MEX3D: variants seen among roughly 807,000 people sequenced by gnomAD.
MEX3D encodes the protein mex-3 RNA binding family member D.
MEX3D carries 4 observed loss-of-function variants against 6.3 expected under a neutral mutation model. That is an observed-to-expected ratio of 0.64 (90% CI 0.31 to 1.46). The LOEUF (loss-of-function observed/expected upper bound fraction) is 1.46. MEX3D is among the 40% of genes most tolerant of loss of function. MEX3D has a pLI of 0.07. For missense variants in MEX3D, 1,038 were observed against 994.4 expected, an observed-to-expected ratio of 1.04 and a Z score of -0.59; for synonymous variants, 626 against 494.1, an observed-to-expected ratio of 1.27 and a Z score of -3.54.
chr19:1,561,145 C>T (rs554561583), intron 1 of MEX3D, among the ~76,000 whole-genome samples: 2 of 152,302 alleles, frequency 1.3e-5, no homozygotes, highest in South Asian at 2.1e-4. Flanking sequence ...CAGGGCCCCA[C>T]GCAGCACACA....
chr19:1,562,293 G>A (rs754689840), intron 1 of MEX3D, among the ~76,000 whole-genome samples: 25 of 146,960 alleles, frequency 1.7e-4, no homozygotes, highest in South Asian at 4.3e-4. Flanking sequence ...GGTGTGGACC[G>A]GGCACAGTGG....
intron 1 of MEX3D, among the ~76,000 whole-genome samples, chr19:1,563,710 GACAGGGCT>G (rs1454780358): frequency 4.6e-5 from 7 of 152,184 alleles, no homozygotes; most frequent in Non-Finnish European, 7.4e-5. Context: ...CTGTCTCCCA[GACAGGGCT>G]GCCTCCCCTC....
At position 1,567,499 on chromosome 19, in the gene MEX3D, C is replaced by G; in HGVS notation, c.560G>C (p.Ser187Thr). ...VNMTECVPVPSSEHVAEIVGR... is the reference protein window; with the variant it reads ...VNMTECVPVPTSEHVAEIVGR... ...CACGATCTCGGCGACGTGCTCGGAG[C>G]TGGGCACCGGGACGCACTCGGTCAT... is the stretch of plus-strand genomic sequence containing the variant. Residue 187 changes from serine to threonine, a missense_variant, in exon 1 of 2, where the codon AGC becomes ACC. Physicochemically the swap from Ser to Thr is moderately conservative, Grantham distance 58. This residue lies in a region of MEX3D where 75 missense variants were observed against 125.1 expected (regional missense o/e 0.60). Coordinates refer to ENST00000402693, the MANE Select transcript of MEX3D (RefSeq NM_203304.4). This position sits in a 1 kb window ranked among gnomAD's most constrained non-coding sequence, Gnocchi z 6.5. 6.4e-7 allele frequency: 1 copy of G among 1,573,126 alleles called. No homozygotes were observed. Among genetic ancestry groups the G allele is most frequent in the Non-Finnish European group, 8.6e-7 (1 of 1,160,792 alleles).
In MEX3D at chr19:1,555,659, G is replaced by A. The variant is rs753879899; in HGVS notation, c.1860C>T (p.Phe620=). ...AALVPCGHNL[F]CMDCAVRICG... ...AGATGCGGACGGCGCAGTCCATGCA[G>A]AAGAGGTTGTGGCCGCAGGGGACCA... The change falls in exon 2 of 2, where the codon TTC becomes TTT. Residue 620 remains phenylalanine (F), a synonymous_variant. Transcript: ENST00000402693. 1 of 1,585,826 alleles carries A rather than the reference G, an allele frequency of 6.3e-7. No homozygotes were observed. The highest frequency in any genetic ancestry group is 8.6e-7 in the Non-Finnish European group (1 of 1,169,280).
At chr19:1,561,974 A>T (rs1914728975) in intron 1 of MEX3D, among the ~76,000 whole-genome samples, 1 of 151,608 alleles carries the variant, frequency 6.6e-6, no homozygotes, top group African/African-American at 2.4e-5. Flanking sequence ...AAAATTAGCC[A>T]GGTGTGGCCG....
chr19:1,566,752 G>T (rs963702335), intron 1 of MEX3D, among the ~76,000 whole-genome samples: 4 of 151,934 alleles, frequency 2.6e-5, no homozygotes, highest in Non-Finnish European at 5.9e-5. Flanking sequence ...TCTCAGCCTC[G>T]CTCTCTAACA....
chr19:1,564,532 C>CAA (rs75476631), intron 1 of MEX3D, among the ~76,000 whole-genome samples: 11 of 68,220 alleles, frequency 1.6e-4, no homozygotes, highest in African/African-American at 5.0e-4. Context: ...GACTCCATCC[C>CAA]AAAAAAAAAA....
intron 1 of MEX3D, among the ~76,000 whole-genome samples, chr19:1,566,420 G>A (rs1202378809): frequency 6.6e-6 from 1 of 152,182 alleles, no homozygotes; most frequent in Non-Finnish European, 1.5e-5. Context: ...TGCAATCCCA[G>A]CCCCCCACAC....
At chr19:1,563,815 GTT>G (rs1439565853) in intron 1 of MEX3D, among the ~76,000 whole-genome samples, 1 of 152,058 alleles carries the variant, frequency 6.6e-6, no homozygotes, top group African/African-American at 2.4e-5. Flanking sequence ...CATGATTTTT[GTT>G]TTGTTTTGGA....
chr19:1,559,738 G>A (rs1204549176), intron 1 of MEX3D, among the ~76,000 whole-genome samples: 1 of 152,180 alleles, frequency 6.6e-6, no homozygotes, highest in East Asian at 1.9e-4. Context: ...TGACGGGGAA[G>A]AAGTCAGAAA....
In MEX3D at chr19:1,567,571, A is replaced by G. The variant is rs758034356; in HGVS notation, c.488T>C (p.Leu163Pro). The G allele has an allele frequency of 1.3e-6, 2 of 1,508,840 alleles. No individual in the cohort carries two copies. The highest frequency in any genetic ancestry group is 1.5e-5 in the African/African-American group (1 of 68,840). 93.5% of individuals were successfully genotyped at this position (1,508,840 alleles called of 1,614,324 possible). ...HPAALGPPTL[L>P]ADQMSVIGSR... Reference sequence around the variant, plus strand: ...GCCGATCACGCTCATCTGGTCGGCCAGCAGCGTCGGGGGCCCCAGGGCCGC... The same window carrying G: ...GCCGATCACGCTCATCTGGTCGGCCGGCAGCGTCGGGGGCCCCAGGGCCGC... The change falls in exon 1 of 2, where the codon CTG (leucine) becomes CCG (proline). Residue 163 changes from leucine to proline, a missense_variant. Transcript: ENST00000402693. This position sits in a 1 kb window ranked among gnomAD's most constrained non-coding sequence, Gnocchi z 6.5.
At position 1,554,883 on chromosome 19, in the gene MEX3D, T is replaced by C. The variant is rs1914465746; in HGVS notation, c.*680A>G. 7.1e-6 allele frequency: 1 copy of C among 140,064 alleles called. No individual in the cohort carries two copies. Among genetic ancestry groups the C allele is most frequent in the African/African-American group, 2.7e-5 (1 of 37,348 alleles). 8.7% of individuals were successfully genotyped at this position (140,064 alleles called of 1,614,324 possible). On this transcript the variant is annotated 3_prime_UTR_variant, in exon 2 of 2. Transcript: ENST00000402693. ...AGTACATATTTCCCTATAAATTCCC[T>C]ACATATACACAAGAGGTAAAAAGTA...
chr19:1,568,270 C>T lies in MEX3D; in HGVS notation c.-212G>A, dbSNP rs1914909627. On this transcript the variant is annotated 5_prime_UTR_variant, in exon 1 of 2. Coordinates refer to ENST00000402693, the MANE Select transcript of MEX3D (RefSeq NM_203304.4). The stretch of plus-strand genomic sequence containing the variant: ...GCGGCGGCAGCGACTCTGGCTGCGG[C>T]TCGGCGGCGGCGGCGACGGCGGCGG... 7.1e-6 allele frequency among the ~76,000 whole-genome samples: 1 copy of T among 140,020 alleles called. No individual in the cohort carries two copies. Among genetic ancestry groups the T allele is most frequent in the Non-Finnish European group, 1.6e-5 (1 of 63,284 alleles). 91.9% of individuals were successfully genotyped at this position (140,020 alleles called of 152,430 possible). A position where few individuals can be genotyped will look rare whatever the true frequency, so the allele number is the denominator to read the frequency against.
intron 1 of MEX3D, among the ~76,000 whole-genome samples, chr19:1,565,664 G>A (rs1347215774): frequency 6.6e-6 from 1 of 152,202 alleles, no homozygotes; most frequent in Non-Finnish European, 1.5e-5. Flanking sequence ...TGCAGGACAA[G>A]CAATCAGGGC....
rs60802257 is a variant in MEX3D at position 1,555,034 on chromosome 19, G to GC, written c.*528dup. On this transcript the variant is annotated 3_prime_UTR_variant, in exon 2 of 2. Coordinates refer to ENST00000402693, the MANE Select transcript of MEX3D (RefSeq NM_203304.4). ...GAACGCCCCTCGCCCCCGCCCCCCT[G>GC]CCCCCTCCGGCCGCGCACGGTTGAT... 0.68 allele frequency: 70,757 copies of GC among 103,674 alleles called. 21,134 individuals are homozygous for GC. The highest frequency in any genetic ancestry group is 0.84 in the African/African-American group (27,699 of 32,828). 6.4% of individuals were successfully genotyped at this position (103,674 alleles called of 1,614,324 possible).
At chr19:1,561,768 C>T (rs934798621) in intron 1 of MEX3D, among the ~76,000 whole-genome samples, 13 of 152,048 alleles carry the variant, frequency 8.5e-5, no homozygotes, top group African/African-American at 2.9e-4. Context: ...CTCAGCCTCC[C>T]GAGTAGCTGG....
At chr19:1,562,595 G>A (rs945675655) in intron 1 of MEX3D, among the ~76,000 whole-genome samples, 4 of 152,196 alleles carry the variant, frequency 2.6e-5, no homozygotes, top group African/African-American at 9.7e-5. Context: ...CTACTTGGGA[G>A]GCAGAGGTGG....
In MEX3D at chr19:1,568,002, GC is replaced by G; in HGVS notation, c.56del (p.Gly19AlafsTer149). 1.0e-6 allele frequency: 1 copy of G among 976,864 alleles called. No homozygotes were observed. Among genetic ancestry groups the G allele is most frequent in the Non-Finnish European group, 1.2e-6 (1 of 826,722 alleles). 60.5% of individuals were successfully genotyped at this position (976,864 alleles called of 1,614,324 possible). A position where few individuals can be genotyped will look rare whatever the true frequency, so the allele number is the denominator to read the frequency against. On this transcript the variant is annotated frameshift_variant, in exon 1 of 2. Coordinates refer to ENST00000402693, the MANE Select transcript of MEX3D (RefSeq NM_203304.4). LOFTEE classifies it high-confidence loss of function. ...GGTCCTCCCCCGCCGCCCCCACGCC[GC>G]CGCCGCCGCCGCCCCCGCCCCCGCC... Reference protein sequence around the residue: ...DGGGGGGGGGGGVGAAGEDPG... With the variant: ...DGGGGGGGGGXGVGAAGEDPG...
chr19:1,557,067 C>A, intron 1 of MEX3D, 144 bp from the exon 2 acceptor site: 1 of 1,026,358 alleles, frequency 9.7e-7, no homozygotes, highest in Non-Finnish European at 1.4e-6. Context: ...AGACACGCCA[C>A]GTCCCTTCTT....
Sources: allele counts gnomAD v4.1 joint callset (sites outside exome capture counted in the v4.1 genomes callset), GRCh38; gene constraint gnomAD v4.1.1; regional missense constraint gnomAD v4.1.1; non-coding constraint Gnocchi (gnomAD v3.1); transcripts MANE v1.5; gene names NCBI Gene and HGNC (gene_info 2026-07-23, HGNC 2026-07-21).